Variants in RAP1GAP2 observed in about 807,000 individuals in gnomAD.
RAP1GAP2 encodes the protein RAP1 GTPase activating protein 2.
Under a neutral mutation model 95.0 loss-of-function variants are expected in RAP1GAP2, and 27 were observed. That is an observed-to-expected ratio of 0.28 (90% CI 0.21 to 0.39). RAP1GAP2 has a LOEUF of 0.39. RAP1GAP2 is among the 10% of genes least tolerant of loss of function. The pLI, the probability that RAP1GAP2 is intolerant of heterozygous loss-of-function variation, is 1.00. For synonymous variants in RAP1GAP2, 373 were observed against 380.9 expected (o/e 0.98, Z 0.24); for missense variants, 771 against 970.0 (o/e 0.79, Z 2.72).
In RAP1GAP2 at chr17:2,985,050, A is replaced by T. The variant is rs775995917; in HGVS notation, c.797A>T (p.Tyr266Phe). The T allele has an allele frequency of 6.2e-7, 1 of 1,613,874 alleles. No homozygotes were observed. The highest frequency in any genetic ancestry group is 1.1e-5 in the South Asian group (1 of 91,072). ...AACACATTCAAATTCGGAGTCATTT[A>T]TCAAAAAGCCAGGCAGGTAAGCAGC... ...VNNTFKFGVI[Y>F]QKARQTLEEE... The change falls in exon 11 of 25, where the codon TAT becomes TTT. Residue 266 changes from tyrosine (Y) to phenylalanine (F), a missense_variant. Transcript: ENST00000254695.
chr17:2,947,876 G>A (rs968437798), intron 3 of RAP1GAP2, among the ~76,000 whole-genome samples: 1 of 152,128 alleles, frequency 6.6e-6, no homozygotes, highest in Non-Finnish European at 1.5e-5. Flanking sequence ...TCATCCGGAT[G>A]AGAAACTCAC....
chr17:2,812,603 A>G (rs2069817797), intron 2 of RAP1GAP2, among the ~76,000 whole-genome samples: 1 of 132,822 alleles, frequency 7.5e-6, no homozygotes. Flanking sequence ...TTTGGGTCAC[A>G]GCAAATAGTT....
intron 2 of RAP1GAP2, among the ~76,000 whole-genome samples, chr17:2,807,269 T>C (rs1414209038): frequency 6.6e-6 from 1 of 152,188 alleles, no homozygotes; most frequent in Non-Finnish European, 1.5e-5. Context: ...CCCCCACCTT[T>C]GGCCACTGGG....
At chr17:2,780,085 T>A (rs1049746133) in intron 1 of RAP1GAP2, among the ~76,000 whole-genome samples, 2 of 152,132 alleles carry the variant, frequency 1.3e-5, no homozygotes, top group East Asian at 1.9e-4. Flanking sequence ...AGTTTCGCTC[T>A]TGTTGTCCAG....
chr17:2,993,263 G>A (rs1469398134), intron 12 of RAP1GAP2, among the ~76,000 whole-genome samples: 1 of 150,024 alleles, frequency 6.7e-6, no homozygotes, highest in Non-Finnish European at 1.5e-5. Flanking sequence ...AGCCCTAAAA[G>A]GTTTTGGGGG....
chr17:2,854,595 C>T lies in RAP1GAP2; in HGVS notation c.81-50689C>T, dbSNP rs552293827. 3.3e-5 allele frequency among the ~76,000 whole-genome samples: 5 copies of T among 152,386 alleles called. No homozygotes were observed. In the South Asian group the frequency reaches 1.0e-3, roughly 32 times the overall value. ...GCTCCCCACCCACCCTCTCGCCCCA[C>T]CGCCATAGGGTGACTTTGCCTCTTC... On this transcript the variant is annotated intron_variant, in intron 2 of 24. Coordinates refer to ENST00000254695, the MANE Select transcript of RAP1GAP2 (RefSeq NM_015085.5).
At chr17:2,991,642 T>A (rs1197510255) in intron 12 of RAP1GAP2, among the ~76,000 whole-genome samples, 1 of 152,368 alleles carries the variant, frequency 6.6e-6, no homozygotes, top group African/African-American at 2.4e-5. Flanking sequence ...TGTGCCTTCC[T>A]ACTTACCTTT....
chr17:2,921,656 T>TCAGGGCCGTTAAGGTGTCAG (rs1449089161), intron 3 of RAP1GAP2, among the ~76,000 whole-genome samples: 4 of 140,708 alleles, frequency 2.8e-5, no homozygotes, highest in Admixed American at 1.4e-4. Flanking sequence ...TTATGTGTCC[T>TCAGGGCCGTTAAGGTGTCAG]CAGGGCCGTT....
At chr17:2,777,951 T>G (rs149197690) in intron 1 of RAP1GAP2, among the ~76,000 whole-genome samples, 16 of 92,100 alleles carry the variant, frequency 1.7e-4, no homozygotes, top group South Asian at 3.8e-4. Flanking sequence ...GCCAGGAGGC[T>G]GGGAGGCTGG....
At chr17:2,980,131 C>G (rs1346777694) in intron 8 of RAP1GAP2, among the ~76,000 whole-genome samples, 156 bp from the exon 9 acceptor site, 1 of 152,028 alleles carries the variant, frequency 6.6e-6, no homozygotes, top group Non-Finnish European at 1.5e-5. Context: ...TTAGTAGAGA[C>G]TGGGTTTCAC....
chr17:2,780,092 C>G (rs1313060426), intron 1 of RAP1GAP2, among the ~76,000 whole-genome samples: 3 of 152,160 alleles, frequency 2.0e-5, no homozygotes, highest in Non-Finnish European at 2.9e-5. Flanking sequence ...CTCTTGTTGT[C>G]CAGGCTGGAG....
At chr17:2,962,476 C>T (rs2044378216) in intron 4 of RAP1GAP2, 194 bp from the exon 5 acceptor site, 1 of 568,376 alleles carries the variant, frequency 1.8e-6, no homozygotes, top group Admixed American at 3.9e-5. Context: ...TGCTGTTAGC[C>T]CAGCGGCGCT....
upstream of RAP1GAP2, among the ~76,000 whole-genome samples, chr17:2,773,450 C>T (rs1362601933): frequency 1.3e-5 from 2 of 152,098 alleles, no homozygotes; most frequent in Non-Finnish European, 2.9e-5. Context: ...GACACAGAGC[C>T]ACATGGGCAG....
chr17:3,026,303 G>A (rs1467233759), intron 20 of RAP1GAP2, 47 bp from the exon 21 acceptor site: 2 of 1,478,468 alleles, frequency 1.4e-6, no homozygotes, highest in Non-Finnish European at 9.2e-7. Flanking sequence ...GGGGGTGGAG[G>A]GCTCTCGCGT....
intron 3 of RAP1GAP2, among the ~76,000 whole-genome samples, chr17:2,927,187 T>G (rs1445589763): frequency 4.0e-5 from 6 of 150,384 alleles, no homozygotes; most frequent in Non-Finnish European, 8.9e-5. Flanking sequence ...AGAATCTCGC[T>G]CTGTCACCCA....
At chr17:2,889,889 A>ATATATTTT (rs1408426152) in intron 2 of RAP1GAP2, among the ~76,000 whole-genome samples, 111 of 57,284 alleles carry the variant, frequency 1.9e-3, no homozygotes, top group East Asian at 3.8e-3. Flanking sequence ...ATATATATAT[A>ATATATTTT]TTTTTTTTTT....
At chr17:2,950,061 C>CTTCTT (rs1555575129) in intron 3 of RAP1GAP2, among the ~76,000 whole-genome samples, 36 of 141,296 alleles carry the variant, frequency 2.5e-4, no homozygotes, top group African/African-American at 6.2e-4. Context: ...TCTTCTTCTT[C>CTTCTT]TTTTTTTTTT....
intron 2 of RAP1GAP2, among the ~76,000 whole-genome samples, chr17:2,844,418 G>A (rs186048160): frequency 1.3e-5 from 2 of 152,270 alleles, no homozygotes; most frequent in African/African-American, 2.4e-5. Context: ...TTGCTTACAC[G>A]AAAGAGCTTT....
At chr17:2,922,629 C>G (rs1193680811) in intron 3 of RAP1GAP2, among the ~76,000 whole-genome samples, 3 of 152,038 alleles carry the variant, frequency 2.0e-5, no homozygotes, top group Non-Finnish European at 4.4e-5. Flanking sequence ...CCAGCTCGCA[C>G]AAATGGGGTA....
Sources: allele counts gnomAD v4.1 joint callset (sites outside exome capture counted in the v4.1 genomes callset), GRCh38; gene constraint gnomAD v4.1.1; transcripts MANE v1.5; gene names NCBI Gene and HGNC (gene_info 2026-07-23, HGNC 2026-07-21).